The following ZNF717 variants were observed in gnomAD, a reference collection of about 807,000 sequenced individuals.
ZNF717 encodes krueppel-like factor X17.
A neutral mutation model predicts 13.8 loss-of-function variants in ZNF717; 9 were observed. The observed-to-expected ratio is 0.65, with a 90% confidence interval of 0.39 to 1.14. The LOEUF (loss-of-function observed/expected upper bound fraction) is 1.14, where lower values mean the gene tolerates loss of function less well. Ranked by LOEUF, ZNF717 falls within the 50% of genes most tolerant of loss-of-function variation. The pLI is 0.01. For missense variants in ZNF717, 1,040 were observed against 1,080.7 expected, an observed-to-expected ratio of 0.96 and a Z score of 0.53; for synonymous variants, 327 against 364.1, an observed-to-expected ratio of 0.90 and a Z score of 1.16.
downstream of ZNF717, among the ~76,000 whole-genome samples, chr3:75,709,042 C>G (rs77711019): frequency 3.1e-4 from 47 of 151,348 alleles, no homozygotes; most frequent in Non-Finnish European, 4.4e-5. Context: ...ACTCTGTCAC[C>G]AAGGCTGGAG....
downstream of ZNF717, among the ~76,000 whole-genome samples, chr3:75,707,647 G>A (rs1575714230): frequency 6.6e-6 from 1 of 152,216 alleles, no homozygotes; most frequent in African/African-American, 2.4e-5. Flanking sequence ...AAAGCAGAGT[G>A]AGGCATTGCC....
At chr3:75,728,928 G>C (rs1426635754), downstream of ZNF717, among the ~76,000 whole-genome samples, 5 of 150,924 alleles carry the variant, frequency 3.3e-5, no homozygotes, top group Non-Finnish European at 3.0e-5. Context: ...TGGGCAGAGG[G>C]GTGAGAACAG....
At chr3:75,767,181 T>A (rs78347529) in intron 2 of ZNF717, among the ~76,000 whole-genome samples, 2 of 151,800 alleles carry the variant, frequency 1.3e-5, no homozygotes, top group Non-Finnish European at 2.9e-5. Flanking sequence ...ATGGAAACCA[T>A]ACGGCCAGTC....
downstream of ZNF717, among the ~76,000 whole-genome samples, chr3:75,727,065 A>G (rs1247432490): frequency 6.6e-6 from 1 of 152,248 alleles, no homozygotes; most frequent in African/African-American, 2.4e-5. Context: ...AAGAACATAA[A>G]TTGTGAAGAT....
Position 75,712,518 on chromosome 3 carries a change from G to C in ZNF717, n.668-1202C>G, listed in dbSNP as rs1433383257. On this transcript the variant is annotated intron_variant and non_coding_transcript_variant, in intron 5 of 5. Coordinates refer to the ZNF717 transcript ENST00000491507. ...ATTTTCTTCTGATTGTAACCAACTTGGTCACATGCAAAACATCTTGCATAA... is the reference window on the plus strand; with the variant it reads ...ATTTTCTTCTGATTGTAACCAACTTCGTCACATGCAAAACATCTTGCATAA... Among the ~76,000 whole-genome samples the C allele has an allele frequency of 4.4e-4, 65 of 147,968 alleles. No individual in the cohort carries two copies. The South Asian group carries it at 0.015, about 34-fold the overall frequency.
intron 4 of ZNF717, among the ~76,000 whole-genome samples, chr3:75,718,422 G>A (rs1354197879): frequency 5.9e-5 from 9 of 152,174 alleles, no homozygotes; most frequent in Non-Finnish European, 1.2e-4. Context: ...CATTTGCTTA[G>A]TTAAGTGTGG....
chr3:75,738,142 A>G lies in ZNF717; in HGVS notation c.1481T>C (p.Leu494Pro). ...TGTGTGAGTCCATTGATGGATAGTG[A>G]GGAATGACTTACGGTGAAACGTTTT... ...CGKTFHRKSF[L>P]TIHQWTHTGE... Residue 494 changes from leucine (L) to proline (P), a missense_variant, in exon 5 of 5, where the codon CTC becomes CCC. This residue lies in a region of ZNF717 where 873 missense variants were observed against 832.8 expected (regional missense o/e 1.05). Transcript: ENST00000652011. 7.3e-7 allele frequency: 1 copy of G among 1,360,544 alleles called. No individual in the cohort carries two copies. The highest frequency in any genetic ancestry group is 9.8e-7 in the Non-Finnish European group (1 of 1,017,118). 84.3% of individuals were successfully genotyped at this position (1,360,544 alleles called of 1,614,324 possible). A position where few individuals can be genotyped will look rare whatever the true frequency, so the allele number is the denominator to read the frequency against.
At chr3:75,724,079 C>T (rs1938225839) in intron 4 of ZNF717, among the ~76,000 whole-genome samples, 1 of 151,896 alleles carries the variant, frequency 6.6e-6, no homozygotes, top group South Asian at 2.1e-4. Flanking sequence ...TCCTCTCTCT[C>T]TCCCCACCTC....
chr3:75,750,776 T>C (rs1941696258), intron 2 of ZNF717, among the ~76,000 whole-genome samples: 1 of 149,998 alleles, frequency 6.7e-6, no homozygotes, highest in African/African-American at 2.5e-5. Context: ...TCCCCTCCTG[T>C]GGTCTGAATT....
At chr3:75,747,897 T>A (rs1941327085) in intron 2 of ZNF717, among the ~76,000 whole-genome samples, 1 of 152,022 alleles carries the variant, frequency 6.6e-6, no homozygotes, top group Non-Finnish European at 1.5e-5. Context: ...AATCAATGAA[T>A]CCAGGAGCTG....
intron 4 of ZNF717, among the ~76,000 whole-genome samples, chr3:75,740,820 G>C (rs1963442): frequency 1.4e-5 from 2 of 140,226 alleles, no homozygotes; most frequent in Admixed American, 7.1e-5. Context: ...AATAGAGTGA[G>C]AATCATCTGT....
At chr3:75,762,096 A>C (rs1290710983) in intron 2 of ZNF717, among the ~76,000 whole-genome samples, 1 of 40,548 alleles carries the variant, frequency 2.5e-5, no homozygotes, top group South Asian at 5.8e-4. Flanking sequence ...AAAGAAAAGA[A>C]AAAAAGAAAA....
chr3:75,722,991 T>C (rs1307528095), intron 4 of ZNF717, among the ~76,000 whole-genome samples: 2 of 152,100 alleles, frequency 1.3e-5, no homozygotes, highest in Non-Finnish European at 1.5e-5. Context: ...TTACCGATCA[T>C]GATTTTTATC....
downstream of ZNF717, among the ~76,000 whole-genome samples, chr3:75,735,663 G>GAAAAAAA (rs1939095201): frequency 5.0e-5 from 2 of 39,634 alleles, no homozygotes; most frequent in Admixed American, 3.1e-4. Flanking sequence ...AAAAAGCAAC[G>GAAAAAAA]AGAGGAAACA....
At chr3:75,717,901 G>A (rs1313307574) in intron 4 of ZNF717, among the ~76,000 whole-genome samples, 3 of 152,046 alleles carry the variant, frequency 2.0e-5, no homozygotes, top group Non-Finnish European at 4.4e-5. Context: ...GATTCACCAC[G>A]TCTCAGTGTG....
At chr3:75,783,714 T>C (rs1362323333) in intron 1 of ZNF717, among the ~76,000 whole-genome samples, 2 of 152,352 alleles carry the variant, frequency 1.3e-5, no homozygotes, top group African/African-American at 4.8e-5. Flanking sequence ...TATAGAAATA[T>C]ACTGGGCTGT....
At chr3:75,706,099 G>C, downstream of ZNF717, among the ~76,000 whole-genome samples, 1 of 152,310 alleles carries the variant, frequency 6.6e-6, no homozygotes, top group Non-Finnish European at 1.5e-5. Flanking sequence ...GGGATATAGA[G>C]AGAAAAAATT....
intron 2 of ZNF717, among the ~76,000 whole-genome samples, chr3:75,761,792 C>G (rs1458111070): frequency 6.6e-6 from 1 of 152,224 alleles, no homozygotes; most frequent in African/African-American, 2.4e-5. Context: ...AATCCCAGCA[C>G]TTCGGGAGGC....
At chr3:75,780,787 C>T (rs142534067) in intron 2 of ZNF717, among the ~76,000 whole-genome samples, 273 of 152,330 alleles carry the variant, frequency 1.8e-3, no homozygotes, top group African/African-American at 5.9e-3. Context: ...CAAACCAAAC[C>T]AAAATGGAGT....
Sources: allele counts gnomAD v4.1 joint callset (sites outside exome capture counted in the v4.1 genomes callset), GRCh38; gene constraint gnomAD v4.1.1; regional missense constraint gnomAD v4.1.1; transcripts MANE v1.5; gene names NCBI Gene and HGNC (gene_info 2026-07-23, HGNC 2026-07-21).